Variants in PTPRN2 observed in about 807,000 individuals in gnomAD.
PTPRN2 encodes receptor-type tyrosine-protein phosphatase N2.
PTPRN2 carries 74 observed loss-of-function variants against 118.8 expected under a neutral mutation model. The ratio of observed to expected loss-of-function variants is 0.62; its 90% CI spans 0.52 to 0.76. The LOEUF (loss-of-function observed/expected upper bound fraction) is 0.76, where lower values mean the gene tolerates loss of function less well. Among genes scored for constraint, PTPRN2 ranks in the 30% least tolerant of loss-of-function variants. PTPRN2 has a pLI of 0.00. For missense variants in PTPRN2, 1,481 were observed against 1,394.4 expected, an observed-to-expected ratio of 1.06 and a Z score of -0.99; for synonymous variants, 641 against 608.0, an observed-to-expected ratio of 1.05 and a Z score of -0.80.
chr7:158,411,030 G>A (rs543342686), intron 2 of PTPRN2, among the ~76,000 whole-genome samples: 1 of 152,276 alleles, frequency 6.6e-6, no homozygotes, highest in African/African-American at 2.4e-5. Context: ...ACAGAGATCC[G>A]GACAGGCTGG....
intron 3 of PTPRN2, among the ~76,000 whole-genome samples, chr7:158,270,831 GATGAC>G (rs1798342608): frequency 1.4e-4 from 1 of 7,152 alleles, no homozygotes; most frequent in African/African-American, 5.6e-4. Context: ...CCTCCACCTG[GATGAC>G]CCCCTCACCT....
chr7:157,690,010 C>A lies in PTPRN2; in HGVS notation c.1789-7073G>T, dbSNP rs1797394817. On this transcript the variant is annotated intron_variant, in intron 12 of 22. Transcript: ENST00000389418. The surrounding 1 kb of genome is among the most constrained non-coding windows in gnomAD (Gnocchi z 7.1). Reference sequence around the variant, plus strand: ...CCCTTCCCTCCTCCTTTCCCACACGCCTCCCATCTCCGTGCCTGCACCCCC... The same window carrying A: ...CCCTTCCCTCCTCCTTTCCCACACGACTCCCATCTCCGTGCCTGCACCCCC... Among the ~76,000 whole-genome samples, 4 of 152,346 alleles carry A rather than the reference C, an allele frequency of 2.6e-5. No homozygotes were observed. The highest frequency in any genetic ancestry group is 2.1e-4 in the South Asian group (1 of 4,828).
chr7:158,153,600 A>G (rs1222905031), intron 6 of PTPRN2, among the ~76,000 whole-genome samples: 3 of 152,182 alleles, frequency 2.0e-5, no homozygotes, highest in Admixed American at 6.5e-5. Context: ...GAATAAGGGA[A>G]CTTTTCCCGT....
chr7:157,624,823 G>T (rs1032734405), intron 14 of PTPRN2, among the ~76,000 whole-genome samples: 12 of 152,146 alleles, frequency 7.9e-5, no homozygotes, highest in Admixed American at 5.2e-4. Context: ...CTTTTCCCTG[G>T]TAGTGGGCAT....
chr7:158,547,601 G>C (rs2129449952), intron 1 of PTPRN2, among the ~76,000 whole-genome samples: 1 of 152,344 alleles, frequency 6.6e-6, no homozygotes, highest in East Asian at 1.9e-4. Flanking sequence ...TGGCTTCAAG[G>C]GAAAGGGGCC....
intron 3 of PTPRN2, among the ~76,000 whole-genome samples, chr7:158,235,241 G>A (rs979384999): frequency 3.3e-5 from 5 of 152,142 alleles, no homozygotes; most frequent in African/African-American, 4.8e-5. Flanking sequence ...TTCCACTACC[G>A]GGTTTGTATC....
rs550108751 is a variant in PTPRN2 at position 158,490,443 on chromosome 7, C to A, written c.113-658G>T. On this transcript the variant is annotated intron_variant, in intron 1 of 22. Coordinates refer to ENST00000389418, the MANE Select transcript of PTPRN2 (RefSeq NM_002847.5). ...CCAGGAAGGGGCTCCAGAAGCTCCGCGGTGCCTGGGTGGCCAGGCGACCCC... is the reference window on the plus strand; with the variant it reads ...CCAGGAAGGGGCTCCAGAAGCTCCGAGGTGCCTGGGTGGCCAGGCGACCCC... Among the ~76,000 whole-genome samples the A allele has an allele frequency of 3.9e-5, 6 of 152,348 alleles. No individual in the cohort carries two copies. In the East Asian group the frequency reaches 1.2e-3, roughly 30 times the overall value.
chr7:158,288,163 C>T (rs905494035), intron 3 of PTPRN2, among the ~76,000 whole-genome samples: 6 of 152,088 alleles, frequency 3.9e-5, no homozygotes, highest in African/African-American at 7.2e-5. Context: ...TTCATCCCTT[C>T]GCTTTCAGTC....
chr7:157,993,844 C>T (rs901318031), intron 11 of PTPRN2, among the ~76,000 whole-genome samples: 14 of 152,068 alleles, frequency 9.2e-5, no homozygotes, highest in African/African-American at 1.2e-4. Flanking sequence ...CAGAGCTGGA[C>T]GATCTCTCCC....
intron 14 of PTPRN2, among the ~76,000 whole-genome samples, chr7:157,634,753 G>A (rs1413833304): frequency 2.0e-5 from 3 of 152,216 alleles, no homozygotes; most frequent in African/African-American, 7.2e-5. Flanking sequence ...AGATTCACAG[G>A]CTGACGTAGG....
intron 2 of PTPRN2, among the ~76,000 whole-genome samples, chr7:158,451,546 C>T (rs2129438689): frequency 6.6e-6 from 1 of 152,362 alleles, no homozygotes; most frequent in South Asian, 2.1e-4. Flanking sequence ...TCATCTTCTT[C>T]TAATATGGAT....
intron 19 of PTPRN2, chr7:157,574,448 T>A: frequency 1.9e-6 from 1 of 528,432 alleles, no homozygotes; most frequent in South Asian, 1.4e-5. Context: ...TAAGGGTTTG[T>A]CCGTTTTACC....
intron 11 of PTPRN2, among the ~76,000 whole-genome samples, chr7:157,983,276 G>T (rs1803445848): frequency 9.3e-6 from 1 of 107,632 alleles, no homozygotes; most frequent in Admixed American, 8.7e-5. Context: ...GAGACGAGGA[G>T]GGGAATGCAG....
At chr7:158,203,107 C>T (rs934457437) in intron 4 of PTPRN2, among the ~76,000 whole-genome samples, 8 of 151,500 alleles carry the variant, frequency 5.3e-5, no homozygotes, top group Non-Finnish European at 8.8e-5. Flanking sequence ...TGGCGCGCAC[C>T]TGTAGTCCCA....
At position 158,527,148 on chromosome 7, in the gene PTPRN2, C is replaced by T. The variant is rs1824839340; in HGVS notation, c.113-37363G>A. ...GGAGCATCCCTCCGAGGATCCCCCA[C>T]AGCCTTCCCGTCCTCGGAGCAAATG... On this transcript the variant is annotated intron_variant, in intron 1 of 22. Transcript: ENST00000389418. 2.0e-5 allele frequency among the ~76,000 whole-genome samples: 3 copies of T among 152,216 alleles called. No homozygotes were observed. In the South Asian group the frequency reaches 6.2e-4, roughly 31 times the overall value.
At chr7:158,522,247 G>A (rs111530509) in intron 1 of PTPRN2, among the ~76,000 whole-genome samples, 3 of 67,876 alleles carry the variant, frequency 4.4e-5, no homozygotes, top group Admixed American at 1.5e-4. Flanking sequence ...GGAGGTCCAC[G>A]TCACAATGGT....
intron 12 of PTPRN2, among the ~76,000 whole-genome samples, chr7:157,860,146 G>A (rs1810119898): frequency 6.6e-6 from 1 of 152,366 alleles, no homozygotes; most frequent in African/African-American, 2.4e-5. Context: ...GCCCACTGGG[G>A]GAGCCTCGAG....
intron 11 of PTPRN2, among the ~76,000 whole-genome samples, chr7:158,032,335 C>A (rs1323735575): frequency 6.6e-6 from 1 of 152,168 alleles, no homozygotes; most frequent in Non-Finnish European, 1.5e-5. Context: ...CAGCACAGCC[C>A]CTGGCCCTCT....
intron 11 of PTPRN2, among the ~76,000 whole-genome samples, chr7:157,983,795 T>C (rs532485003): frequency 6.6e-6 from 1 of 152,276 alleles, no homozygotes; most frequent in South Asian, 2.1e-4. Flanking sequence ...CGGACAACTG[T>C]TAAGTGGAAA....
Sources: gnomAD v4.1 joint callset for allele counts (sites outside exome capture counted in the v4.1 genomes callset) on GRCh38, gnomAD v4.1.1 for gene constraint, Gnocchi (gnomAD v3.1) non-coding constraint, MANE v1.5 for transcripts, NCBI Gene and HGNC (gene_info 2026-07-23, HGNC 2026-07-21) for gene names.